INTS6: variants seen among roughly 807,000 people sequenced by gnomAD.
INTS6 encodes the protein DEAD box protein.
A neutral mutation model predicts 104.9 loss-of-function variants in INTS6; 16 were observed. The observed-to-expected ratio is 0.15, with a 90% CI of 0.10 to 0.23. The LOEUF (loss-of-function observed/expected upper bound fraction) is 0.23, where lower values mean the gene tolerates loss of function less well. Ranked by LOEUF, INTS6 falls within the 10% of genes least tolerant of loss-of-function variation. The pLI is 1.00. For missense variants in INTS6, 584 were observed against 1,062.8 expected (o/e 0.55, Z 6.26); for synonymous variants, 324 against 358.7 (o/e 0.90, Z 1.09).
intron 14 of INTS6, 105 bp from the exon 15 acceptor site, chr13:51,374,544 T>TC (rs1955878507): frequency 1.3e-6 from 2 of 1,505,498 alleles, no homozygotes; most frequent in African/African-American, 2.8e-5. Flanking sequence ...TCATATTTAT[T>TC]AGATACTCTA....
chr13:51,425,420 T>C (rs1475854840), intron 4 of INTS6, among the ~76,000 whole-genome samples: 1 of 152,106 alleles, frequency 6.6e-6, no homozygotes, highest in Non-Finnish European at 1.5e-5. Context: ...ACAGATTACT[T>C]TGGCTGCAAA....
downstream of INTS6, among the ~76,000 whole-genome samples, chr13:51,359,963 T>C (rs1161530163): frequency 6.6e-6 from 1 of 152,082 alleles, no homozygotes; most frequent in Admixed American, 6.6e-5. Flanking sequence ...AATGTTTCTA[T>C]TGATTTTTAC....
downstream of INTS6, among the ~76,000 whole-genome samples, chr13:51,350,466 C>T (rs1434567695): frequency 2.0e-5 from 3 of 151,952 alleles, no homozygotes; most frequent in Non-Finnish European, 4.4e-5. Flanking sequence ...ATTATTAGGT[C>T]AACATAGAAG....
chr13:51,398,031 TTTTA>T (rs1330749858), intron 4 of INTS6, among the ~76,000 whole-genome samples: 2 of 152,154 alleles, frequency 1.3e-5, no homozygotes, highest in Admixed American at 6.6e-5. Flanking sequence ...TTAGGCAAAT[TTTTA>T]TTTATTTTTC....
At chr13:51,446,784 G>A (rs1952928633) in intron 3 of INTS6, 1 of 152,172 alleles carries the variant, frequency 6.6e-6, no homozygotes, top group Non-Finnish European at 1.5e-5. Flanking sequence ...ATTATGCTAA[G>A]TGAAATGAGC....
the INTS6 span, among the ~76,000 whole-genome samples, chr13:51,338,865 G>A: frequency 4.6e-5 from 7 of 152,244 alleles, no homozygotes; most frequent in African/African-American, 1.7e-4. Flanking sequence ...ACTTACAGAT[G>A]CCTGAGAGAT....
chr13:51,390,149 G>A (rs1040187184), intron 5 of INTS6, among the ~76,000 whole-genome samples: 5 of 151,690 alleles, frequency 3.3e-5, no homozygotes, highest in Non-Finnish European at 7.4e-5. Flanking sequence ...CTTTTAAAGA[G>A]GAATTTTCAA....
Position 51,361,688 on chromosome 13 carries a change from TA to T in INTS6, c.*4063del. 1 of 870,882 alleles carries T rather than the reference TA, an allele frequency of 1.1e-6. No individual in the cohort carries two copies. Among genetic ancestry groups the T allele is most frequent in the Non-Finnish European group, 1.7e-6 (1 of 584,610 alleles). The allele number at this position is 870,882 out of a possible 1,614,324, so 53.9% of individuals were successfully genotyped here. On this transcript the variant is annotated 3_prime_UTR_variant, in exon 18 of 18. Transcript: ENST00000311234. ...CCCATCTGCACCCCCATCACAACAG[TA>T]AACAATCAAATGCCATTAGGATGCT...
Position 51,433,511 on chromosome 13 carries a change from G to A in INTS6, c.340-3128C>T, listed in dbSNP as rs563410811. On this transcript the variant is annotated intron_variant, in intron 3 of 17. Coordinates refer to ENST00000311234, the MANE Select transcript of INTS6 (RefSeq NM_012141.3). Reference sequence around the variant, plus strand: ...CCCATTCACTTTTATTCCTGTATAAGCACACTTAGAATTATCTTTCAGAGG... The same window carrying A: ...CCCATTCACTTTTATTCCTGTATAAACACACTTAGAATTATCTTTCAGAGG... 7.9e-5 allele frequency among the ~76,000 whole-genome samples: 12 copies of A among 152,248 alleles called. No individual in the cohort carries two copies. The South Asian group carries it at 2.5e-3, about 32-fold the overall frequency.
chr13:51,395,545 C>T, intron 4 of INTS6, 62 bp from the exon 5 acceptor site: 16 of 1,432,500 alleles, frequency 1.1e-5, no homozygotes, highest in South Asian at 5.4e-5. Context: ...AAAAAGCCTA[C>T]TTTAATTACA....
At chr13:51,449,068 T>C (rs1240702587) in intron 3 of INTS6, 1 of 152,232 alleles carries the variant, frequency 6.6e-6, no homozygotes, top group Non-Finnish European at 1.5e-5. Context: ...AAAAATCTTC[T>C]GGAAGAATGT....
intron 4 of INTS6, among the ~76,000 whole-genome samples, chr13:51,429,130 TAAAC>T (rs1171029978): frequency 6.6e-6 from 1 of 152,134 alleles, no homozygotes; most frequent in Admixed American, 6.6e-5. Flanking sequence ...AGAAAGTAGA[TAAAC>T]AAAGACTAGG....
chr13:51,377,036 CATCA>C (rs751695408), intron 12 of INTS6, among the ~76,000 whole-genome samples: 24 of 152,144 alleles, frequency 1.6e-4, no homozygotes, highest in Admixed American at 1.1e-3. Context: ...TCCACATTCT[CATCA>C]ATCCCTGTAT....
intron 3 of INTS6, among the ~76,000 whole-genome samples, chr13:51,356,402 T>C (rs907856964): frequency 1.3e-5 from 2 of 152,174 alleles, no homozygotes; most frequent in Non-Finnish European, 1.5e-5. Flanking sequence ...GAGAATTCTA[T>C]GTTTGATAAT....
intron 3 of INTS6, chr13:51,437,143 C>T (rs191334566): frequency 5.2e-4 from 79 of 152,068 alleles, no homozygotes; most frequent in Middle Eastern, 3.4e-3. Context: ...TAAAAATAAA[C>T]GTATAAATAA....
chr13:51,423,634 C>T (rs1956935163), intron 4 of INTS6, among the ~76,000 whole-genome samples: 1 of 152,120 alleles, frequency 6.6e-6, no homozygotes, highest in African/African-American at 2.4e-5. Context: ...TCTAAAATAT[C>T]AAGCAAATTA....
chr13:51,354,665 G>A (rs1955453088), intron 3 of INTS6, among the ~76,000 whole-genome samples: 1 of 151,902 alleles, frequency 6.6e-6, no homozygotes, highest in Admixed American at 6.6e-5. Context: ...TAACATAAAT[G>A]ACACTAATAG....
At chr13:51,352,356 C>T (rs188427980), downstream of INTS6, among the ~76,000 whole-genome samples, 3 of 151,554 alleles carry the variant, frequency 2.0e-5, no homozygotes, top group Non-Finnish European at 4.4e-5. Context: ...GTATTTTACT[C>T]CTTTTAATTT....
chr13:51,394,923 T>G (rs1956308742), intron 5 of INTS6, among the ~76,000 whole-genome samples: 1 of 152,208 alleles, frequency 6.6e-6, no homozygotes, highest in Non-Finnish European at 1.5e-5. Flanking sequence ...AAAATTGCAC[T>G]TAACCAAGCA....
Sources: gnomAD v4.1 joint callset for allele counts (sites outside exome capture counted in the v4.1 genomes callset) on GRCh38, gnomAD v4.1.1 for gene constraint, MANE v1.5 for transcripts, NCBI Gene and HGNC (gene_info 2026-07-23, HGNC 2026-07-21) for gene names.